Variants in RBM47 observed in about 807,000 individuals in gnomAD.
RBM47 encodes the protein RNA binding motif protein 47.
RBM47 carries 21 observed loss-of-function variants against 47.1 expected under a neutral mutation model. The ratio of observed to expected loss-of-function variants is 0.45; its 90% CI spans 0.32 to 0.64. The LOEUF is 0.64. Among genes scored for constraint, RBM47 ranks in the 30% least tolerant of loss-of-function variants. RBM47 has a pLI of 0.05. For synonymous variants in RBM47, 375 were observed against 361.7 expected, an observed-to-expected ratio of 1.04 and a Z score of -0.42; for missense variants, 708 against 870.9, an observed-to-expected ratio of 0.81 and a Z score of 2.35.
intron 1 of RBM47, among the ~76,000 whole-genome samples, chr4:40,592,936 C>CATTATATATATATAT (rs1433198732): frequency 2.5e-5 from 1 of 39,724 alleles, no homozygotes; most frequent in Non-Finnish European, 4.1e-5. Flanking sequence ...CAATTTGGGA[C>CATTATATATATATAT]ATATATATAT....
At chr4:40,437,090 A>T (rs866034636) in intron 4 of RBM47, among the ~76,000 whole-genome samples, 3,223 of 49,710 alleles carry the variant, frequency 0.065, 519 homozygotes, top group African/African-American at 0.2. Context: ...AAAAAAAAAA[A>T]ATATATATAT....
intron 2 of RBM47, among the ~76,000 whole-genome samples, chr4:40,513,653 G>A (rs1438294144): frequency 2.0e-5 from 3 of 151,982 alleles, no homozygotes; most frequent in South Asian, 2.1e-4. Context: ...AGAAAAAGTC[G>A]GTCTCAAGCT....
At chr4:40,540,884 T>C (rs1411424918) in intron 2 of RBM47, among the ~76,000 whole-genome samples, 1 of 151,892 alleles carries the variant, frequency 6.6e-6, no homozygotes, top group Non-Finnish European at 1.5e-5. Context: ...AGCTTATTGA[T>C]ATAAATCATA....
intron 1 of RBM47, among the ~76,000 whole-genome samples, chr4:40,589,213 C>T (rs1733893934): frequency 6.6e-6 from 1 of 151,506 alleles, no homozygotes; most frequent in African/African-American, 2.4e-5. Context: ...AGTGATCCAC[C>T]TGCCTTAGCC....
chr4:40,514,973 T>C (rs1208256930), intron 2 of RBM47, among the ~76,000 whole-genome samples: 1 of 152,208 alleles, frequency 6.6e-6, no homozygotes, highest in Admixed American at 6.5e-5. Context: ...CACCGGCGAA[T>C]ATGTAGACGC....
chr4:40,459,069 A>T (rs550073240), intron 3 of RBM47, among the ~76,000 whole-genome samples: 10 of 152,308 alleles, frequency 6.6e-5, no homozygotes, highest in African/African-American at 2.4e-4. Flanking sequence ...GAAAAAGTAA[A>T]ATTCGCCTTC....
At chr4:40,530,690 A>C (rs1397895201) in intron 2 of RBM47, among the ~76,000 whole-genome samples, 1 of 152,204 alleles carries the variant, frequency 6.6e-6, no homozygotes, top group Non-Finnish European at 1.5e-5. Context: ...TAATTATTAT[A>C]ATCTGGATGA....
At chr4:40,456,157 G>A (rs1716205947) in intron 3 of RBM47, among the ~76,000 whole-genome samples, 1 of 152,140 alleles carries the variant, frequency 6.6e-6, no homozygotes, top group Non-Finnish European at 1.5e-5. Context: ...TCCTGCACGG[G>A]AGCTTTGTGC....
chr4:40,483,716 C>A (rs940474061), intron 2 of RBM47, among the ~76,000 whole-genome samples: 1 of 152,036 alleles, frequency 6.6e-6, no homozygotes, highest in East Asian at 1.9e-4. Flanking sequence ...AAATACAATA[C>A]AATACAGTAC....
rs149606083 is a variant in RBM47, at chr4:40,498,508, T to A, written c.-154-31809A>T. On this transcript the variant is annotated intron_variant, in intron 2 of 6. Coordinates refer to ENST00000295971, the MANE Select transcript of RBM47 (RefSeq NM_001098634.2). Reference sequence around the variant, plus strand: ...AGCCTGGCCAACATGGGGAAACCCGTCTCTACTAAAAAGACAAAAATTAGC... The same window carrying A: ...AGCCTGGCCAACATGGGGAAACCCGACTCTACTAAAAAGACAAAAATTAGC... Among the ~76,000 whole-genome samples the A allele has an allele frequency of 5.4e-3, 816 of 151,876 alleles. 12 individuals are homozygous for A. Among genetic ancestry groups the A allele is most frequent in the African/African-American group, 0.019 (771 of 41,382 alleles).
At chr4:40,509,191 T>TAAATAAATA (rs1560431667) in intron 2 of RBM47, among the ~76,000 whole-genome samples, 1 of 117,782 alleles carries the variant, frequency 8.5e-6, no homozygotes, top group African/African-American at 3.4e-5. Context: ...AAATAAATAA[T>TAAATAAATA]AATAATATAT....
chr4:40,581,434 T>TAAATA (rs1553904669), intron 1 of RBM47, among the ~76,000 whole-genome samples: 2 of 138,988 alleles, frequency 1.4e-5, no homozygotes, highest in Non-Finnish European at 3.1e-5. Context: ...AAAAAAGTAA[T>TAAATA]AATAAATAAA....
At position 40,438,061 on chromosome 4, in the gene RBM47, T is replaced by C. The variant is rs1009115050; in HGVS notation, c.833A>G (p.Lys278Arg). 6 of 1,613,620 alleles carry C rather than the reference T, an allele frequency of 3.7e-6. No individual in the cohort carries two copies. Among genetic ancestry groups the C allele is most frequent in the Non-Finnish European group, 5.1e-6 (6 of 1,180,006 alleles). The change falls in exon 4 of 7, where the codon AAG (lysine) becomes AGG (arginine). Residue 278 changes from lysine to arginine, a missense_variant. Physicochemically the swap from Lys to Arg is conservative, Grantham distance 26 (BLOSUM62 2). Transcript: ENST00000295971. ...QFNPGCVERV[K>R]KIRDYAFVHF... ...CACGAAGGCGTAGTCGCGGATCTTC[T>C]TGACGCGCTCCACGCAGCCGGGGTT...
intron 3 of RBM47, among the ~76,000 whole-genome samples, chr4:40,444,025 C>A (rs1331108471): frequency 6.6e-6 from 1 of 151,970 alleles, no homozygotes; most frequent in Non-Finnish European, 1.5e-5. Flanking sequence ...ATGGCAAAAC[C>A]CCATCTCTAC....
intron 6 of RBM47, among the ~76,000 whole-genome samples, chr4:40,429,871 AG>A (rs1467896598): frequency 2.0e-5 from 3 of 151,936 alleles, no homozygotes; most frequent in Non-Finnish European, 4.4e-5. Flanking sequence ...GATCGAAGGT[AG>A]GGGAGGATAA....
chr4:40,554,003 T>C (rs1729825853), intron 1 of RBM47, among the ~76,000 whole-genome samples: 1 of 152,138 alleles, frequency 6.6e-6, no homozygotes, highest in Non-Finnish European at 1.5e-5. Context: ...ACCTGGTTTC[T>C]CCAAGCTCAC....
chr4:40,533,708 T>TC (rs1727632544), intron 2 of RBM47, among the ~76,000 whole-genome samples: 1 of 152,074 alleles, frequency 6.6e-6, no homozygotes, highest in Non-Finnish European at 1.5e-5. Context: ...AAAACATGGC[T>TC]CACTATAGCC....
intron 4 of RBM47, among the ~76,000 whole-genome samples, chr4:40,437,073 C>CAAAAAAAAAAAAAAAAAAAAA (rs750922605): frequency 9.4e-5 from 2 of 21,292 alleles, no homozygotes; most frequent in Admixed American, 5.6e-4. Context: ...GACCCTGTCT[C>CAAAAAAAAAAAAAAAAAAAAA]AAAAAAAAAA....
chr4:40,507,818 A>G (rs1280690509), intron 2 of RBM47, among the ~76,000 whole-genome samples: 1 of 152,130 alleles, frequency 6.6e-6, no homozygotes, highest in Non-Finnish European at 1.5e-5. Flanking sequence ...CTTATTTTTA[A>G]AACAAAACAA....
Sources: gnomAD v4.1 joint callset for allele counts (sites outside exome capture counted in the v4.1 genomes callset) on GRCh38, gnomAD v4.1.1 for gene constraint, MANE v1.5 for transcripts, NCBI Gene and HGNC (gene_info 2026-07-23, HGNC 2026-07-21) for gene names.